Variants in ZNF445 observed in about 807,000 individuals in gnomAD.
ZNF445 encodes zinc finger protein 168.
A neutral mutation model predicts 93.9 loss-of-function variants in ZNF445; 19 were observed. The observed-to-expected ratio is 0.20, with a 90% CI of 0.14 to 0.30. The LOEUF (loss-of-function observed/expected upper bound fraction) is 0.30. Among genes scored for constraint, ZNF445 ranks in the 10% least tolerant of loss-of-function variants. The pLI is 1.00. For missense variants in ZNF445, 1,058 were observed against 1,259.4 expected (o/e 0.84, Z 2.42); for synonymous variants, 449 against 446.3 (o/e 1.01, Z -0.08).
intron 1 of ZNF445, among the ~76,000 whole-genome samples, chr3:44,473,490 C>CACAA (rs774842477): frequency 3.2e-4 from 18 of 56,930 alleles, no homozygotes; most frequent in Non-Finnish European, 3.7e-4. Context: ...CACACACACA[C>CACAA]AAAAAATGCT....
intron 4 of ZNF445, 127 bp from the exon 5 acceptor site, chr3:44,451,089 C>G: frequency 1.0e-6 from 1 of 998,740 alleles, no homozygotes; most frequent in South Asian, 1.7e-5. Flanking sequence ...ATACCCATCT[C>G]ACATGTCCTC....
chr3:44,471,954 G>A, intron 1 of ZNF445, among the ~76,000 whole-genome samples: 1 of 152,086 alleles, frequency 6.6e-6, no homozygotes, highest in East Asian at 1.9e-4. Flanking sequence ...GGAGCTTCAG[G>A]ACCAAGAGGA....
intron 1 of ZNF445, among the ~76,000 whole-genome samples, chr3:44,475,864 T>C (rs1698342928): frequency 6.6e-6 from 1 of 152,132 alleles, no homozygotes; most frequent in South Asian, 2.1e-4. Context: ...CTGGGCGTGG[T>C]GGCACACACC....
Position 44,436,669 on chromosome 3 carries a change from G to T in ZNF445, c.*9906C>A, listed in dbSNP as rs1455573885. On this transcript the variant is annotated 3_prime_UTR_variant, in exon 8 of 8. Coordinates refer to ENST00000396077, the MANE Select transcript of ZNF445 (RefSeq NM_181489.6). ...TGTTTTTTTTTTCTTTTGGAGATGA[G>T]TTCTCACTATATTGCCCAAGCCAGT... 6.6e-6 allele frequency: 1 copy of T among 151,692 alleles called. No homozygotes were observed. Among genetic ancestry groups the T allele is most frequent in the African/African-American group, 2.4e-5 (1 of 41,276 alleles). 9.4% of individuals were successfully genotyped at this position (151,692 alleles called of 1,614,324 possible). A position where few individuals can be genotyped will look rare whatever the true frequency, so the allele number is the denominator to read the frequency against.
rs1045376481 is a variant in ZNF445, at chr3:44,437,699, CA to C, written c.*8875del. The stretch of plus-strand genomic sequence containing the variant: ...TTACTCGGGTACCCCATCACTTACC[CA>C]AAGTCGTCCAATCAGTGCTGCAGTC... On this transcript the variant is annotated 3_prime_UTR_variant, in exon 8 of 8. Transcript: ENST00000396077. The C allele has an allele frequency of 1.3e-5, 2 of 152,178 alleles. No individual in the cohort carries two copies. The highest frequency in any genetic ancestry group is 4.8e-5 in the African/African-American group (2 of 41,434). 9.4% of individuals were successfully genotyped at this position (152,178 alleles called of 1,614,324 possible).
At chr3:44,473,453 TCACACACACACA>T (rs377305681) in intron 1 of ZNF445, among the ~76,000 whole-genome samples, 3 of 60,848 alleles carry the variant, frequency 4.9e-5, no homozygotes, top group Admixed American at 2.1e-4. Context: ...AAACTCCACT[TCACACACACACA>T]CACACACACA....
chr3:44,450,929 G>A lies in ZNF445; in HGVS notation c.632C>T (p.Pro211Leu), dbSNP rs953238079. ...TPAAQMPALFPREGCPGDQVT... is the reference protein window; with the variant it reads ...TPAAQMPALFLREGCPGDQVT... ...CTGGTCTCCCGGGCACCCCTCTCTC[G>A]GGAAAAGGGCAGGCATCTGGGCAGC... The change falls in exon 5 of 8, where the codon CCG (proline) becomes CTG (leucine). Residue 211 changes from proline to leucine, a missense_variant. Pro to Leu is a moderately conservative substitution (Grantham distance 98). Around this residue, in one of 3 missense-constraint regions of ZNF445, gnomAD observed 657 missense variants for 746.4 expected, o/e 0.88. Transcript: ENST00000396077. 7.5e-6 allele frequency: 12 copies of A among 1,600,100 alleles called. No individual in the cohort carries two copies. Among genetic ancestry groups the A allele is most frequent in the Non-Finnish European group, 1.0e-5 (12 of 1,173,768 alleles).
At chr3:44,473,731 T>TA (rs11289249) in intron 1 of ZNF445, among the ~76,000 whole-genome samples, 31 of 133,560 alleles carry the variant, frequency 2.3e-4, no homozygotes, top group Non-Finnish European at 3.7e-4. Context: ...AAGGAAGGAC[T>TA]AAAAAAAAAA....
chr3:44,472,349 T>C (rs989317926), intron 1 of ZNF445, among the ~76,000 whole-genome samples: 3 of 152,134 alleles, frequency 2.0e-5, no homozygotes, highest in African/African-American at 7.2e-5. Flanking sequence ...GACTTTTTTT[T>C]CCCCCCTACA....
rs1264899731 is a variant in ZNF445, at chr3:44,440,281, A to C, written c.*6294T>G. ...TAACATTAACTTTAAAAGGTGTGGT[A>C]GCTGGCATACAAGTATTTACTCTCC... On this transcript the variant is annotated 3_prime_UTR_variant, in exon 8 of 8. Transcript: ENST00000396077. The C allele has an allele frequency of 6.6e-6, 1 of 152,240 alleles. No individual in the cohort carries two copies. Among genetic ancestry groups the C allele is most frequent in the African/African-American group, 2.4e-5 (1 of 41,464 alleles). 9.4% of individuals were successfully genotyped at this position (152,240 alleles called of 1,614,324 possible). A position where few individuals can be genotyped will look rare whatever the true frequency, so the allele number is the denominator to read the frequency against.
rs1697853630 is a variant in ZNF445, at chr3:44,444,422, T to TAAGGAAAC, written c.*2152_*2153insGTTTCCTT. On this transcript the variant is annotated 3_prime_UTR_variant, in exon 8 of 8. Coordinates refer to ENST00000396077, the MANE Select transcript of ZNF445 (RefSeq NM_181489.6). ...CACTCTAACTTCACACATAAGGAAA[T>TAAGGAAAC]TGATGCAGAGGTTCATTGACTTGCT... 1 of 151,956 alleles carries TAAGGAAAC rather than the reference T, an allele frequency of 6.6e-6. No homozygotes were observed. Among genetic ancestry groups the TAAGGAAAC allele is most frequent in the Non-Finnish European group, 1.5e-5 (1 of 68,012 alleles). The allele number at this position is 151,956 out of a possible 1,614,324, so 9.4% of individuals were successfully genotyped here. A position where few individuals can be genotyped will look rare whatever the true frequency, so the allele number is the denominator to read the frequency against.
chr3:44,451,191 C>T (rs1697951961), intron 4 of ZNF445, 123 bp downstream of exon 4: 2 of 1,287,570 alleles, frequency 1.6e-6, no homozygotes, highest in Non-Finnish European at 2.2e-6. Context: ...ATGGAGAGGA[C>T]AGAGAGCTAA....
rs536046232 is a variant in ZNF445, at chr3:44,449,571, T to C, written c.873A>G (p.Pro291=). 149 of 1,614,166 alleles carry C rather than the reference T, an allele frequency of 9.2e-5. 3 individuals are homozygous for C. In the South Asian group the frequency reaches 1.6e-3, roughly 17 times the overall value. Residue 291 remains proline, a synonymous_variant, in exon 7 of 8, where the codon CCA becomes CCG. Coordinates refer to ENST00000396077, the MANE Select transcript of ZNF445 (RefSeq NM_181489.6). ...GAGCTGCCTGCATGTTCAGGCCCCA[T>C]GGCTCCCTTGCTTCCAACCAGGAGA... ...ALISWLEARE[P]WGLNMQAAQP...
intron 1 of ZNF445, among the ~76,000 whole-genome samples, chr3:44,476,719 G>A (rs1698363237): frequency 6.6e-6 from 1 of 152,142 alleles, no homozygotes; most frequent in Non-Finnish European, 1.5e-5. Flanking sequence ...AATCGCTGCA[G>A]GTTAGAGCTC....
Position 44,455,253 on chromosome 3 carries a change from C to T in ZNF445, c.297G>A (p.Val99=). 6.2e-7 allele frequency: 1 copy of T among 1,614,224 alleles called. No homozygotes were observed. The highest frequency in any genetic ancestry group is 8.5e-7 in the Non-Finnish European group (1 of 1,180,036). The part of the protein sequence containing the change: ...LSKAQILELL[V]LEQFLSILPG... ...GCAGGATGCTCAGGAACTGTTCCAG[C>T]ACCAGCAGCTCTAGGATCTGTGCCT... is the stretch of plus-strand genomic sequence containing the variant. Residue 99 remains valine (V), a synonymous_variant, in exon 3 of 8, where the codon GTG becomes GTA. Transcript: ENST00000396077.
intron 4 of ZNF445, 122 bp downstream of exon 4, chr3:44,451,192 A>G (rs1337999470): frequency 1.6e-6 from 2 of 1,287,368 alleles, no homozygotes; most frequent in African/African-American, 1.5e-5. Context: ...TGGAGAGGAC[A>G]GAGAGCTAAG....
At chr3:44,465,939 A>G (rs1698187877) in intron 1 of ZNF445, among the ~76,000 whole-genome samples, 1 of 152,156 alleles carries the variant, frequency 6.6e-6, no homozygotes, top group Non-Finnish European at 1.5e-5. Context: ...AACAAAACAA[A>G]CAAACAAACA....
At position 44,447,716 on chromosome 3, in the gene ZNF445, A is replaced by G. The variant is rs201708791; in HGVS notation, c.1955T>C (p.Phe652Ser). The G allele has an allele frequency of 1.3e-5, 21 of 1,614,116 alleles. 1 individual carries two copies. In the South Asian group the frequency reaches 2.0e-4, roughly 15 times the overall value. Residue 652 changes from phenylalanine (F) to serine (S), a missense_variant, in exon 8 of 8, where the codon TTC becomes TCC. By Grantham distance (155) the Phe-to-Ser change is radical (BLOSUM62 -2). Coordinates refer to ENST00000396077, the MANE Select transcript of ZNF445 (RefSeq NM_181489.6). This position sits in a 1 kb window ranked among gnomAD's most constrained non-coding sequence, Gnocchi z 4.7. ...RHMRLHEEEK[F>S]YKQDECREGF... ...TTCACGACATTCATCTTGTTTGTAG[A>G]ATTTTTCCTCCTCATGCAACCTCAT...
At chr3:44,455,075 C>T in intron 3 of ZNF445, 46 bp downstream of exon 3, 4 of 1,612,578 alleles carry the variant, frequency 2.5e-6, no homozygotes, top group Non-Finnish European at 3.4e-6. Context: ...AGCTGGCTCA[C>T]TAGCAGGCAG....
Sources: allele counts gnomAD v4.1 joint callset (sites outside exome capture counted in the v4.1 genomes callset), GRCh38; gene constraint gnomAD v4.1.1; regional missense constraint gnomAD v4.1.1; non-coding constraint Gnocchi (gnomAD v3.1); transcripts MANE v1.5; gene names NCBI Gene and HGNC (gene_info 2026-07-23, HGNC 2026-07-21).